DONSON: variants seen among roughly 807,000 people sequenced by gnomAD.
DONSON encodes the protein DNA replication fork stabilization factor DONSON.
DONSON carries 43 observed loss-of-function variants against 62.1 expected under a neutral mutation model. That is an observed-to-expected ratio of 0.69 (90% CI 0.54 to 0.89). DONSON has a LOEUF of 0.89. DONSON is among the 40% of genes least tolerant of loss of function. The pLI is 0.00. For synonymous variants in DONSON, 266 were observed against 264.6 expected (o/e 1.01, Z -0.05); for missense variants, 696 against 697.5 (o/e 1.00, Z 0.03).
chr21:33,588,250 T>TC (rs2086603947), intron 1 of DONSON, 71 bp downstream of exon 1: 58 of 1,134,270 alleles, frequency 5.1e-5, no homozygotes, highest in Non-Finnish European at 6.3e-5. Flanking sequence ...GGACTTTCCA[T>TC]CCCCCATTCA....
chr21:33,579,593 A>G, intron 8 of DONSON, 31 bp from the exon 9 acceptor site: 1 of 1,595,446 alleles, frequency 6.3e-7, no homozygotes, highest in Non-Finnish European at 8.6e-7. Flanking sequence ...AAGGAAAATT[A>G]AGATCATCTC....
rs2086458362 is a variant in DONSON at position 33,578,207 on chromosome 21, TTA to T, written c.*98_*99del. On this transcript the variant is annotated 3_prime_UTR_variant, in exon 10 of 10. Coordinates refer to ENST00000303071, the MANE Select transcript of DONSON (RefSeq NM_017613.4). ...GATGCTACTGTAGTAAAAGTTATGTTTATAAACATTTCAGTATATTCCTTCAA... is the reference window on the plus strand; with the variant it reads ...GATGCTACTGTAGTAAAAGTTATGTTTAAACATTTCAGTATATTCCTTCAA... 2.3e-6 allele frequency: 3 copies of T among 1,314,292 alleles called. No homozygotes were observed. The highest frequency in any genetic ancestry group is 4.4e-5 in the Admixed American group (2 of 45,318). 81.4% of individuals were successfully genotyped at this position (1,314,292 alleles called of 1,614,324 possible).
chr21:33,579,093 C>T (rs1043720925), intron 9 of DONSON, among the ~76,000 whole-genome samples: 2 of 147,786 alleles, frequency 1.4e-5, no homozygotes, highest in Admixed American at 6.8e-5. Context: ...AGCCGAGACT[C>T]GCGCCGCTGC....
intron 5 of DONSON, 93 bp downstream of exon 5, chr21:33,583,395 A>G (rs573071224): frequency 2.5e-5 from 24 of 969,906 alleles, no homozygotes; most frequent in Non-Finnish European, 3.5e-5. Flanking sequence ...TTGCTAATCA[A>G]CTGGTAAAAG....
chr21:33,582,940 G>A (rs867438088), intron 5 of DONSON, among the ~76,000 whole-genome samples: 2 of 151,930 alleles, frequency 1.3e-5, no homozygotes, highest in East Asian at 1.9e-4. Flanking sequence ...GGTGGCTCAC[G>A]CCTGTAAGCC....
In DONSON at chr21:33,578,134, A is replaced by G. The variant is rs1210719694; in HGVS notation, c.*173T>C. On this transcript the variant is annotated 3_prime_UTR_variant, in exon 10 of 10. Coordinates refer to ENST00000303071, the MANE Select transcript of DONSON (RefSeq NM_017613.4). ...TGAGTTATCTGAGTTTTTCATCTTT[A>G]TATCTAAAAATCTAATCTGAAAATA... The G allele has an allele frequency of 3.1e-6, 2 of 639,636 alleles. No homozygotes were observed. Among genetic ancestry groups the G allele is most frequent in the Non-Finnish European group, 5.0e-6 (2 of 400,672 alleles). The allele number at this position is 639,636 out of a possible 1,614,324, so 39.6% of individuals were successfully genotyped here.
rs760755463 is a variant in DONSON, at chr21:33,586,076, G to A, written c.508C>T (p.Pro170Ser). Reference sequence around the variant, plus strand: ...TTCAAATGATCTGCCCAGGTAAAGGGTTGAGAAGAGGTGAAAAGGAGTCGC... The same window carrying A: ...TTCAAATGATCTGCCCAGGTAAAGGATTGAGAAGAGGTGAAAAGGAGTCGC... ...KTRLLFTSSQ[P>S]FTWADHLKAQ... The change falls in exon 3 of 10, where the codon CCC becomes TCC. Residue 170 changes from proline to serine, a missense_variant. By Grantham distance (74) the Pro-to-Ser change is moderately conservative. Transcript: ENST00000303071. 3 of 1,614,054 alleles carry A rather than the reference G, an allele frequency of 1.9e-6. No homozygotes were observed. Among genetic ancestry groups the A allele is most frequent in the Admixed American group, 3.3e-5 (2 of 59,986 alleles).
At position 33,587,557 on chromosome 21, in the gene DONSON, ACTTCT is replaced by A. The variant is rs749875561; in HGVS notation, c.362_366del (p.Glu121ValfsTer3). Reference sequence around the variant, plus strand: ...TCAGTAACAGTTGTTCTTTCAGGAAACTTCTCTTCCCATAGCAAATCATTTTCTTG... The same window carrying A: ...TCAGTAACAGTTGTTCTTTCAGGAAACTTCCCATAGCAAATCATTTTCTTG... On this transcript the variant is annotated frameshift_variant, in exon 2 of 10. Coordinates refer to ENST00000303071, the MANE Select transcript of DONSON (RefSeq NM_017613.4). LOFTEE classifies it high-confidence loss of function. 12 of 1,599,862 alleles carry A rather than the reference ACTTCT, an allele frequency of 7.5e-6. No homozygotes were observed. The South Asian group carries it at 1.1e-4, about 15-fold the overall frequency.
At position 33,584,721 on chromosome 21, in the gene DONSON, A is replaced by G; in HGVS notation, c.654T>C (p.Leu218=). ...SELRCTFQQS[L]IYWLHPALSW... is the part of the protein sequence containing the mutation. ...ACAAAGCAGGGTGGAGCCAATAGAT[A>G]AGGCTCTGCTGGAAGGTACAACGGA... The change falls in exon 4 of 10, where the codon CTT becomes CTC. Residue 218 remains leucine, a synonymous_variant. Transcript: ENST00000303071. The G allele has an allele frequency of 6.2e-7, 1 of 1,611,454 alleles. No individual in the cohort carries two copies. Among genetic ancestry groups the G allele is most frequent in the South Asian group, 1.1e-5 (1 of 90,780 alleles).
Position 33,584,623 on chromosome 21 carries a change from T to C in DONSON, c.752A>G (p.Asp251Gly), listed in dbSNP as rs61746119. ...MAGKTSPWSN[D>G]ATLQHVLMSD... Reference sequence around the variant, plus strand: ...CATTAAAACATGCTGCAGGGTTGCATCATTTGACCAAGGACTTGTCTTTCC... The same window carrying C: ...CATTAAAACATGCTGCAGGGTTGCACCATTTGACCAAGGACTTGTCTTTCC... The change falls in exon 4 of 10, where the codon GAT (aspartate) becomes GGT (glycine). Residue 251 changes from aspartate (D) to glycine (G), a missense_variant. Transcript: ENST00000303071. 7.7e-4 allele frequency: 1,246 copies of C among 1,613,144 alleles called. 9 individuals carry two copies. In the South Asian group the frequency reaches 9.4e-3, roughly 12 times the overall value.
chr21:33,588,575 G>T lies in DONSON; in HGVS notation c.67C>A (p.Arg23=). The T allele has an allele frequency of 8.0e-7, 1 of 1,254,870 alleles. No homozygotes were observed. The highest frequency in any genetic ancestry group is 1.0e-6 in the Non-Finnish European group (1 of 998,928). 77.7% of individuals were successfully genotyped at this position (1,254,870 alleles called of 1,614,324 possible). The change falls in exon 1 of 10, where the codon CGG becomes AGG. Residue 23 remains arginine, a synonymous_variant. Coordinates refer to ENST00000303071, the MANE Select transcript of DONSON (RefSeq NM_017613.4). ...RKPPEVVRLR[R]KRARSRGAAA... ...GCTCCACGGCTCCGGGCCCTTTTCC[G>T]TCGGAGCCGCACTACCTCGGGCGGC...
chr21:33,580,542 G>A (rs1482876880), intron 8 of DONSON, among the ~76,000 whole-genome samples: 2 of 138,262 alleles, frequency 1.4e-5, no homozygotes, highest in Admixed American at 7.7e-5. Context: ...TACTCGAGAG[G>A]CTGAGGCAGG....
chr21:33,581,693 C>T (rs576991151), intron 7 of DONSON, among the ~76,000 whole-genome samples, 193 bp from the exon 8 acceptor site: 29 of 152,350 alleles, frequency 1.9e-4, no homozygotes, highest in African/African-American at 7.0e-4. Flanking sequence ...TACAAACTGA[C>T]ACCTAAACCT....
chr21:33,586,898 T>C (rs9305531), intron 2 of DONSON, among the ~76,000 whole-genome samples: 104,533 of 152,060 alleles, frequency 0.69, 36,089 homozygotes, highest in African/African-American at 0.76. Context: ...CTTCAGCCTC[T>C]CAAAGTGTTG....
chr21:33,584,357 A>G (rs2086554372), intron 4 of DONSON, among the ~76,000 whole-genome samples: 1 of 151,782 alleles, frequency 6.6e-6, no homozygotes, highest in South Asian at 2.1e-4. Context: ...GCCTGTCTGT[A>G]TATATTTAAC....
Position 33,584,014 on chromosome 21 carries a change from TTATATATA to T in DONSON, c.786-356_786-349del, listed in dbSNP as rs57309977. On this transcript the variant is annotated intron_variant, in intron 4 of 9. Coordinates refer to ENST00000303071, the MANE Select transcript of DONSON (RefSeq NM_017613.4). Reference sequence around the variant, plus strand: ...GCATTAAAGAATTAGGGCTGCGTGTTTATATATATATATATATATATATATATATATAC... The same window carrying T: ...GCATTAAAGAATTAGGGCTGCGTGTTTATATATATATATATATATATATAC... Among the ~76,000 whole-genome samples the T allele has an allele frequency of 4.2e-3, 505 of 121,544 alleles. 2 individuals carry two copies. Among genetic ancestry groups the T allele is most frequent in the African/African-American group, 0.011 (347 of 31,860 alleles). The allele number at this position is 121,544 out of a possible 152,430, so 79.7% of individuals were successfully genotyped here.
At chr21:33,584,416 CT>C (rs1384160528) in intron 4 of DONSON, among the ~76,000 whole-genome samples, 173 bp downstream of exon 4, 1 of 146,152 alleles carries the variant, frequency 6.8e-6, no homozygotes, top group Non-Finnish European at 1.5e-5. Flanking sequence ...TGAGTAACAG[CT>C]AAAAAAAAAA....
chr21:33,586,247 T>A (rs2086576298), intron 2 of DONSON, 66 bp from the exon 3 acceptor site: 1 of 1,314,170 alleles, frequency 7.6e-7, no homozygotes, highest in South Asian at 1.2e-5. Flanking sequence ...CTAAAGATTT[T>A]ATCAGCTAAC....
In DONSON at chr21:33,587,610, T is replaced by A; in HGVS notation, c.322-8A>T. ...TTGATTAGAATCTAAAAACTGAGGT[T>A]AAATATATTCTCCTTTAAAATTTAA... On this transcript the variant is annotated splice_polypyrimidine_tract_variant and splice_region_variant and intron_variant, in intron 1 of 9. Coordinates refer to ENST00000303071, the MANE Select transcript of DONSON (RefSeq NM_017613.4). 6.4e-7 allele frequency: 1 copy of A among 1,561,364 alleles called. No individual in the cohort carries two copies. The highest frequency in any genetic ancestry group is 8.7e-7 in the Non-Finnish European group (1 of 1,150,228).
Sources: allele counts gnomAD v4.1 joint callset (sites outside exome capture counted in the v4.1 genomes callset), GRCh38; gene constraint gnomAD v4.1.1; transcripts MANE v1.5; gene names NCBI Gene and HGNC (gene_info 2026-07-23, HGNC 2026-07-21).